The following DNAH14 variants were observed in gnomAD, a reference collection of about 807,000 sequenced individuals.
The protein encoded by DNAH14 is axonemal beta dynein heavy chain 14.
DNAH14 carries 478 observed loss-of-function variants against 520.9 expected under a neutral mutation model. The ratio of observed to expected loss-of-function variants is 0.92; its 90% CI spans 0.85 to 0.99. The LOEUF is 0.99. Ranked by LOEUF, DNAH14 falls within the 50% of genes least tolerant of loss-of-function variation. The pLI, the probability that DNAH14 is intolerant of heterozygous loss-of-function variation, is 0.00. For missense variants in DNAH14, 4,831 were observed against 5,234.5 expected (o/e 0.92, Z 2.38); for synonymous variants, 1,581 against 1,757.2 (o/e 0.90, Z 2.51).
intron 68 of DNAH14, among the ~76,000 whole-genome samples, chr1:225,338,555 C>A (rs931532187): frequency 6.6e-6 from 1 of 152,054 alleles, no homozygotes; most frequent in Non-Finnish European, 1.5e-5. Context: ...CACACACACA[C>A]AAAATCCATA....
Position 225,377,303 on chromosome 1 carries a change from G to C in DNAH14, c.12583G>C (p.Asp4195His). Residue 4195 changes from aspartate (D) to histidine (H), a missense_variant, in exon 79 of 86, where the codon GAT (aspartate) becomes CAT (histidine). By Grantham distance (81) the Asp-to-His change is moderately conservative (BLOSUM62 -1). Coordinates refer to ENST00000682510, the MANE Select transcript of DNAH14 (RefSeq NM_001367479.1). ...CATACACATTATCCAGTCCTTACCT[G>C]ATGATGACCTTCCCGAGGTCTTAGG... Reference protein sequence around the residue: ...DYIHIIQSLPDDDLPEVLGIH... With the variant: ...DYIHIIQSLPHDDLPEVLGIH... 2 of 1,550,204 alleles carry C rather than the reference G, an allele frequency of 1.3e-6. No individual in the cohort carries two copies. Among genetic ancestry groups the C allele is most frequent in the Non-Finnish European group, 8.7e-7 (1 of 1,146,286 alleles).
chr1:225,384,846 GAA>G (rs1159849858), intron 81 of DNAH14, among the ~76,000 whole-genome samples: 1 of 152,116 alleles, frequency 6.6e-6, no homozygotes, highest in Admixed American at 6.5e-5. Flanking sequence ...CCAATCAATA[GAA>G]AAAGAGGGAA....
At position 225,100,770 on chromosome 1, in the gene DNAH14, A is replaced by C. The variant is rs989180454; in HGVS notation, c.3753A>C (p.Ile1251=). Residue 1251 remains isoleucine, a synonymous_variant, in exon 23 of 86, where the codon ATA becomes ATC. Transcript: ENST00000682510. ...FSQVISMWKK[I]MSKIQNKQNA... ...AAGTGATTTCCATGTGGAAAAAAAT[A>C]ATGTCAAAAATACAAAACAAACAGA... 12 of 1,539,396 alleles carry C rather than the reference A, an allele frequency of 7.8e-6. No individual in the cohort carries two copies. In the East Asian group the frequency reaches 2.7e-4, roughly 35 times the overall value.
chr1:225,166,618 TA>T (rs2082069153), intron 35 of DNAH14, among the ~76,000 whole-genome samples: 1 of 152,242 alleles, frequency 6.6e-6, no homozygotes, highest in African/African-American at 2.4e-5. Context: ...GTAGTTGTGC[TA>T]TTTATACTAT....
At chr1:225,061,205 C>G (rs900901529) in intron 17 of DNAH14, among the ~76,000 whole-genome samples, 1 of 152,180 alleles carries the variant, frequency 6.6e-6, no homozygotes, top group Non-Finnish European at 1.5e-5. Flanking sequence ...ACTCAAGCCT[C>G]GGCAATGGCA....
intron 6 of DNAH14, chr1:224,967,947 C>T: frequency 1.7e-6 from 2 of 1,167,512 alleles, no homozygotes; most frequent in Non-Finnish European, 2.1e-6. Context: ...ACTTTATTGC[C>T]AGATGTAGAA....
At position 225,264,235 on chromosome 1, in the gene DNAH14, C is replaced by T; in HGVS notation, c.7196C>T (p.Thr2399Ile). ...AATATCACCATCTTGATTCCTGAAA[C>T]TCATAAGACAGCAACTGGAAGTTCA... ...KQNITILIPE[T>I]HKTATGSSDN... Residue 2399 changes from threonine (T) to isoleucine (I), a missense_variant, in exon 47 of 86, where the codon ACT (threonine) becomes ATT (isoleucine). Transcript: ENST00000682510. 1 of 1,550,010 alleles carries T rather than the reference C, an allele frequency of 6.5e-7. No homozygotes were observed. Among genetic ancestry groups the T allele is most frequent in the Non-Finnish European group, 8.7e-7 (1 of 1,145,868 alleles).
At chr1:225,206,478 G>T (rs908766428) in intron 40 of DNAH14, among the ~76,000 whole-genome samples, 2 of 152,304 alleles carry the variant, frequency 1.3e-5, no homozygotes, top group East Asian at 3.9e-4. Context: ...AATAGAGGAA[G>T]ATGGTCCTGA....
chr1:225,070,266 C>T (rs2071403381), intron 17 of DNAH14, among the ~76,000 whole-genome samples: 1 of 151,980 alleles, frequency 6.6e-6, no homozygotes, highest in Non-Finnish European at 1.5e-5. Flanking sequence ...TTTGTTTACT[C>T]TTAGTTCTCT....
At chr1:225,279,092 G>A (rs1455127363) in intron 54 of DNAH14, among the ~76,000 whole-genome samples, 1 of 152,144 alleles carries the variant, frequency 6.6e-6, no homozygotes, top group Non-Finnish European at 1.5e-5. Flanking sequence ...TGCCTCCTGG[G>A]TTCAAGCAAT....
chr1:225,260,459 C>T (rs2149765059), intron 46 of DNAH14, among the ~76,000 whole-genome samples: 2 of 152,082 alleles, frequency 1.3e-5, no homozygotes, highest in South Asian at 4.1e-4. Flanking sequence ...ATAGCCAAAG[C>T]AATTGATTGT....
At chr1:224,983,819 T>C (rs1436139046) in intron 8 of DNAH14, among the ~76,000 whole-genome samples, 1 of 151,946 alleles carries the variant, frequency 6.6e-6, no homozygotes, top group South Asian at 2.1e-4. Context: ...GAAATACTTA[T>C]GAATATACCT....
At chr1:224,951,032 A>G (rs2060138364) in intron 1 of DNAH14, among the ~76,000 whole-genome samples, 1 of 151,568 alleles carries the variant, frequency 6.6e-6, no homozygotes, top group African/African-American at 2.4e-5. Flanking sequence ...GGCTCTTTTT[A>G]TTTTATTTTT....
chr1:224,974,132 G>C lies in DNAH14; in HGVS notation c.809G>C (p.Arg270Thr), dbSNP rs374048564. Reference protein sequence around the residue: ...AFVTWKLNVKRIKTEKSRSFL... With the variant: ...AFVTWKLNVKTIKTEKSRSFL... ...GTTACCTGGAAATTGAATGTTAAAA[G>C]AATTAAGACAGAGAAGAGCAGGTAA... is the stretch of plus-strand genomic sequence containing the variant. The change falls in exon 8 of 86, where the codon AGA becomes ACA. Residue 270 changes from arginine (R) to threonine (T), a missense_variant. Transcript: ENST00000682510. The C allele has an allele frequency of 1.3e-6, 2 of 1,495,614 alleles. No individual in the cohort carries two copies. The highest frequency in any genetic ancestry group is 2.6e-5 in the East Asian group (1 of 39,064). 92.6% of individuals were successfully genotyped at this position (1,495,614 alleles called of 1,614,324 possible).
In DNAH14 at chr1:225,206,133, C is replaced by T; in HGVS notation, c.6140C>T (p.Ser2047Phe). Residue 2047 changes from serine to phenylalanine, a missense_variant, in exon 40 of 86, where the codon TCT becomes TTT. Transcript: ENST00000682510. ...GTGATTTTTGAAGTGGACAATCTCT[C>T]TCAGGCCAGTCCTGCTACTGTCAGC... ...IRVIFEVDNLSQASPATVSRC... is the reference protein window; with the variant it reads ...IRVIFEVDNLFQASPATVSRC... 1.9e-6 allele frequency: 3 copies of T among 1,551,458 alleles called. No homozygotes were observed. The highest frequency in any genetic ancestry group is 2.6e-6 in the Non-Finnish European group (3 of 1,146,830).
chr1:225,368,561 A>C (rs542385336), intron 77 of DNAH14, among the ~76,000 whole-genome samples: 11 of 152,262 alleles, frequency 7.2e-5, no homozygotes, highest in Admixed American at 2.6e-4. Flanking sequence ...GCTTTATTGC[A>C]GGGTGTTTTC....
At chr1:225,190,032 C>T (rs1363556483) in intron 37 of DNAH14, among the ~76,000 whole-genome samples, 1 of 151,738 alleles carries the variant, frequency 6.6e-6, no homozygotes. Context: ...TGTGTTAAAT[C>T]TCCAACCCAC....
chr1:225,145,948 T>C (rs1247186631), intron 30 of DNAH14, among the ~76,000 whole-genome samples: 1 of 152,224 alleles, frequency 6.6e-6, no homozygotes, highest in Non-Finnish European at 1.5e-5. Context: ...CATTCTACAT[T>C]TTATTGTTGT....
Position 225,085,754 on chromosome 1 carries a change from A to G in DNAH14, c.3538A>G (p.Thr1180Ala), listed in dbSNP as rs1344920326. ...QLEESQVILA[T>A]IKGSPHIGPI... is the part of the protein sequence containing the mutation. Reference sequence around the variant, plus strand: ...AGAAGAGTCTCAAGTCATACTTGCAACAATTAAAGGATCTCCCCACATTGG... The same window carrying G: ...AGAAGAGTCTCAAGTCATACTTGCAGCAATTAAAGGATCTCCCCACATTGG... The change falls in exon 21 of 86, where the codon ACA (threonine) becomes GCA (alanine). Residue 1180 changes from threonine (T) to alanine (A), a missense_variant. Thr to Ala is a moderately conservative substitution (Grantham distance 58, BLOSUM62 0). Coordinates refer to ENST00000682510, the MANE Select transcript of DNAH14 (RefSeq NM_001367479.1). 6.4e-7 allele frequency: 1 copy of G among 1,551,134 alleles called. No individual in the cohort carries two copies. The highest frequency in any genetic ancestry group is 8.7e-7 in the Non-Finnish European group (1 of 1,146,768).
Sources: gnomAD v4.1 joint callset for allele counts (sites outside exome capture counted in the v4.1 genomes callset) on GRCh38, gnomAD v4.1.1 for gene constraint, MANE v1.5 for transcripts, NCBI Gene and HGNC (gene_info 2026-07-23, HGNC 2026-07-21) for gene names.